Variants in SHOC2 observed in about 807,000 individuals in gnomAD.
SHOC2 encodes SHOC2 leucine rich repeat scaffold protein.
In SHOC2, 4 loss-of-function variants were observed where a neutral mutation model predicts 50.2. The observed-to-expected ratio is 0.08, with a 90% CI of 0.04 to 0.18. The LOEUF is 0.18. SHOC2 is among the 10% of genes least tolerant of loss of function. The probability of loss-of-function intolerance (pLI) is 1.00; values close to 1 mark genes in which losing one functional copy is unlikely to be tolerated. For missense variants in SHOC2, 388 were observed against 669.6 expected, an observed-to-expected ratio of 0.58 and a Z score of 4.64; for synonymous variants, 218 against 244.5, an observed-to-expected ratio of 0.89 and a Z score of 1.01.
chr10:110,970,543 T>G (rs1371618068), intron 2 of SHOC2, among the ~76,000 whole-genome samples: 1 of 152,186 alleles, frequency 6.6e-6, no homozygotes, highest in Admixed American at 6.5e-5. Context: ...CCTTTGGATA[T>G]ATACCCAGTA....
rs143340329 is a variant in SHOC2, at chr10:110,977,715, G to A, written c.704-7913G>A. Among the ~76,000 whole-genome samples the A allele has an allele frequency of 4.1e-3, 625 of 152,216 alleles. 2 individuals are homozygous for A. Among genetic ancestry groups the A allele is most frequent in the Non-Finnish European group, 7.2e-3 (491 of 68,016 alleles). ...TGGCTTGCTTTTAAGCTTTGTTATG[G>A]TAGTTTTAGTAGCCTTTTGTCTACA... On this transcript the variant is annotated intron_variant, in intron 2 of 8. Coordinates refer to ENST00000369452, the MANE Select transcript of SHOC2 (RefSeq NM_007373.4).
chr10:110,976,518 C>G (rs1847881494), intron 2 of SHOC2, among the ~76,000 whole-genome samples: 1 of 151,994 alleles, frequency 6.6e-6, no homozygotes, highest in Non-Finnish European at 1.5e-5. Context: ...ACCATATTGC[C>G]CAGAGTGGTC....
chr10:110,952,954 A>G (rs570960940), intron 1 of SHOC2, among the ~76,000 whole-genome samples: 4 of 152,076 alleles, frequency 2.6e-5, no homozygotes, highest in African/African-American at 9.6e-5. Context: ...TGTTTATCCA[A>G]TTTGTCATTG....
At chr10:110,953,385 C>T (rs187198691) in intron 1 of SHOC2, among the ~76,000 whole-genome samples, 126 of 152,296 alleles carry the variant, frequency 8.3e-4, no homozygotes, top group Middle Eastern at 3.4e-3. Context: ...TGGATTCATA[C>T]AGTATGTAGC....
chr10:110,925,425 CTTT>C (rs1434223614), intron 1 of SHOC2, among the ~76,000 whole-genome samples: 1 of 151,930 alleles, frequency 6.6e-6, no homozygotes, highest in African/African-American at 2.4e-5. Context: ...GACAGGGTCT[CTTT>C]TTCACGCTTT....
At chr10:110,954,942 A>G (rs1012665201) in intron 1 of SHOC2, among the ~76,000 whole-genome samples, 2 of 152,186 alleles carry the variant, frequency 1.3e-5, no homozygotes, top group African/African-American at 4.8e-5. Flanking sequence ...GTAAGAGGTA[A>G]GGTTGAAGAG....
intron 2 of SHOC2, among the ~76,000 whole-genome samples, chr10:110,981,732 A>G (rs1402458812): frequency 6.6e-6 from 1 of 152,108 alleles, no homozygotes; most frequent in Non-Finnish European, 1.5e-5. Flanking sequence ...TGATATGGTA[A>G]ATAACATTGA....
intron 7 of SHOC2, 121 bp downstream of exon 7, chr10:111,009,506 G>A (rs527317449): frequency 2.1e-6 from 2 of 950,320 alleles, no homozygotes; most frequent in Non-Finnish European, 3.3e-6. Flanking sequence ...TCTAGTATTA[G>A]GGCTGAGTTT....
Position 110,964,832 on chromosome 10 carries a change from T to C in SHOC2, c.474T>C (p.Leu158=). ...LMTLALSENS[L]TSLPDSLDNL... is the part of the protein sequence containing the mutation. The stretch of plus-strand genomic sequence containing the variant: ...CACTGGCTCTAAGTGAAAATTCACT[T>C]ACCAGTTTGCCTGACTCTCTTGATA... The change falls in exon 2 of 9, where the codon CTT becomes CTC. Residue 158 remains leucine, a synonymous_variant. Transcript: ENST00000369452. The surrounding 1 kb of genome is among the most constrained non-coding windows in gnomAD (Gnocchi z 4.9). 6.2e-7 allele frequency: 1 copy of C among 1,614,094 alleles called. No homozygotes were observed. The highest frequency in any genetic ancestry group is 8.5e-7 in the Non-Finnish European group (1 of 1,179,980).
intron 1 of SHOC2, among the ~76,000 whole-genome samples, chr10:110,922,674 A>G (rs1001853150): frequency 1.3e-5 from 2 of 152,006 alleles, no homozygotes; most frequent in Non-Finnish European, 2.9e-5. Flanking sequence ...ATTTTAAAAA[A>G]CCCCAAACAA....
intron 3 of SHOC2, among the ~76,000 whole-genome samples, chr10:110,997,830 G>A (rs1243224114): frequency 2.0e-5 from 3 of 151,706 alleles, no homozygotes; most frequent in Non-Finnish European, 4.4e-5. Flanking sequence ...AAATACTTTG[G>A]TTTTTCTATT....
intron 1 of SHOC2, among the ~76,000 whole-genome samples, chr10:110,925,396 T>G (rs1846748992): frequency 6.6e-6 from 1 of 152,130 alleles, no homozygotes; most frequent in African/African-American, 2.4e-5. Context: ...CAGTATTTTT[T>G]GGGTTTTTTT....
chr10:110,943,962 G>A (rs1284148696), intron 1 of SHOC2, among the ~76,000 whole-genome samples: 1 of 152,006 alleles, frequency 6.6e-6, no homozygotes, highest in Non-Finnish European at 1.5e-5. Flanking sequence ...ATTTCAGATC[G>A]TCTTTTGCCC....
rs1195377788 is a variant in SHOC2 at position 111,011,657 on chromosome 10, C to G, written c.1588C>G (p.Leu530Val). 4 of 1,613,970 alleles carry G rather than the reference C, an allele frequency of 2.5e-6. No homozygotes were observed. Among genetic ancestry groups the G allele is most frequent in the Non-Finnish European group, 3.4e-6 (4 of 1,179,930 alleles). Residue 530 changes from leucine to valine, a missense_variant, in exon 9 of 9, where the codon CTG becomes GTG. Coordinates refer to ENST00000369452, the MANE Select transcript of SHOC2 (RefSeq NM_007373.4). Reference protein sequence around the residue: ...EELYLNDNPNLHSLPFELALC... With the variant: ...EELYLNDNPNVHSLPFELALC... The stretch of plus-strand genomic sequence containing the variant: ...ACTGTATTTGAATGACAACCCCAAC[C>G]TGCATAGCCTTCCCTTTGAGCTGGC...
intron 1 of SHOC2, among the ~76,000 whole-genome samples, chr10:110,929,659 A>G (rs1295743057): frequency 6.6e-6 from 1 of 152,226 alleles, no homozygotes; most frequent in Non-Finnish European, 1.5e-5. Context: ...CAGTTGGCAG[A>G]AAGTGAGAGA....
chr10:110,972,150 A>G (rs936238370), intron 2 of SHOC2, among the ~76,000 whole-genome samples: 10 of 150,816 alleles, frequency 6.6e-5, no homozygotes, highest in African/African-American at 2.4e-4. Context: ...TATTATTACT[A>G]TAACTTTATA....
intron 1 of SHOC2, among the ~76,000 whole-genome samples, chr10:110,962,254 G>T (rs10509932): frequency 0.058 from 8,791 of 152,042 alleles, 293 homozygotes; most frequent in East Asian, 0.1. Context: ...TTGCTAAATA[G>T]AAATTTGATT....
chr10:110,922,451 A>ATT (rs1481784118), intron 1 of SHOC2, among the ~76,000 whole-genome samples: 13 of 18,666 alleles, frequency 7.0e-4, no homozygotes, highest in Non-Finnish European at 1.3e-3. Flanking sequence ...ACTTCTTTAA[A>ATT]CTTCAGATAT....
At chr10:110,966,282 A>G (rs568308130) in intron 2 of SHOC2, among the ~76,000 whole-genome samples, 3 of 152,254 alleles carry the variant, frequency 2.0e-5, no homozygotes, top group Non-Finnish European at 4.4e-5. Context: ...ACTGTAGAGT[A>G]TGACTTACTC....
Sources: allele counts gnomAD v4.1 joint callset (sites outside exome capture counted in the v4.1 genomes callset), GRCh38; gene constraint gnomAD v4.1.1; non-coding constraint Gnocchi (gnomAD v3.1); transcripts MANE v1.5; gene names NCBI Gene and HGNC (gene_info 2026-07-23, HGNC 2026-07-21).